FAM171B: variants seen among roughly 807,000 people sequenced by gnomAD.
FAM171B encodes protein FAM171B.
In FAM171B, 19 loss-of-function variants were observed where a neutral mutation model predicts 75.6. That is an observed-to-expected ratio of 0.25 (90% CI 0.18 to 0.37). FAM171B has a LOEUF of 0.37. Among genes scored for constraint, FAM171B ranks in the 10% least tolerant of loss-of-function variants. FAM171B has a pLI of 1.00. For synonymous variants in FAM171B, 367 were observed against 361.7 expected (o/e 1.01, Z -0.17); for missense variants, 848 against 982.4 (o/e 0.86, Z 1.83).
rs373419189 is a variant in FAM171B at position 186,697,249 on chromosome 2, A to G, written c.238+2838A>G. ...GACTACAGAAAACTGATTGATACCT[A>G]TACTTGGGCCTACTTATTGGGTTTT... On this transcript the variant is annotated intron_variant, in intron 1 of 7. Coordinates refer to ENST00000304698, the MANE Select transcript of FAM171B (RefSeq NM_177454.4). Among the ~76,000 whole-genome samples the G allele has an allele frequency of 3.3e-5, 5 of 152,212 alleles. No homozygotes were observed. In the East Asian group the frequency reaches 5.8e-4, roughly 18 times the overall value.
chr2:186,741,318 T>C (rs532170238), intron 2 of FAM171B, among the ~76,000 whole-genome samples: 3 of 152,174 alleles, frequency 2.0e-5, no homozygotes, highest in Non-Finnish European at 4.4e-5. Context: ...GGATGGTCTG[T>C]TTAAACTTAA....
intron 4 of FAM171B, among the ~76,000 whole-genome samples, chr2:186,748,698 C>G (rs1690407614): frequency 6.6e-6 from 1 of 152,210 alleles, no homozygotes; most frequent in Admixed American, 6.5e-5. Flanking sequence ...TTCCTTCCTG[C>G]TGAATTACGC....
intron 1 of FAM171B, among the ~76,000 whole-genome samples, chr2:186,718,271 A>G (rs996987674): frequency 3.3e-5 from 5 of 152,308 alleles, no homozygotes; most frequent in African/African-American, 4.8e-5. Flanking sequence ...CACACGGCTC[A>G]ACCTTCCTTA....
At chr2:186,748,121 G>A (rs370957206) in intron 4 of FAM171B, among the ~76,000 whole-genome samples, 1 of 151,884 alleles carries the variant, frequency 6.6e-6, no homozygotes, top group East Asian at 1.9e-4. Flanking sequence ...ATGGGGTTTC[G>A]CCATGTTGCC....
In FAM171B at chr2:186,765,503, T is replaced by C. The variant is rs1390688030; in HGVS notation, c.*2680T>C. 2 of 152,066 alleles carry C rather than the reference T, an allele frequency of 1.3e-5. No individual in the cohort carries two copies. Among genetic ancestry groups the C allele is most frequent in the Middle Eastern group, 3.2e-3 (1 of 316 alleles). 9.4% of individuals were successfully genotyped at this position (152,066 alleles called of 1,614,324 possible). ...CTATAGGGATTATGCCCTTTTATAA[T>C]ACATAATATACCACAGAGATTACAA... On this transcript the variant is annotated 3_prime_UTR_variant, in exon 8 of 8. Transcript: ENST00000304698.
At position 186,694,246 on chromosome 2, in the gene FAM171B, C is replaced by T. The variant is rs752218703; in HGVS notation, c.73C>T (p.Leu25=). 3 of 1,610,802 alleles carry T rather than the reference C, an allele frequency of 1.9e-6. No individual in the cohort carries two copies. The highest frequency in any genetic ancestry group is 2.7e-5 in the African/African-American group (2 of 74,920). Residue 25 remains leucine, a synonymous_variant, in exon 1 of 8, where the codon CTG becomes TTG. Coordinates refer to ENST00000304698, the MANE Select transcript of FAM171B (RefSeq NM_177454.4). The part of the protein sequence containing the change: ...GLAVVLLKAR[L]VPAAARAELS... Reference sequence around the variant, plus strand: ...GGCCGTGGTGCTGCTGAAAGCGCGGCTGGTCCCCGCGGCCGCCAGAGCGGA... The same window carrying T: ...GGCCGTGGTGCTGCTGAAAGCGCGGTTGGTCCCCGCGGCCGCCAGAGCGGA...
intron 1 of FAM171B, among the ~76,000 whole-genome samples, chr2:186,716,160 G>A (rs930168491): frequency 6.6e-6 from 1 of 152,118 alleles, no homozygotes; most frequent in African/African-American, 2.4e-5. Flanking sequence ...CTATAGGTGT[G>A]CACCACCACA....
rs1001995359 is a variant in FAM171B at position 186,762,345 on chromosome 2, C to T, written c.2003C>T (p.Pro668Leu). The T allele has an allele frequency of 1.9e-6, 3 of 1,613,700 alleles. No homozygotes were observed. Among genetic ancestry groups the T allele is most frequent in the African/African-American group, 1.3e-5 (1 of 74,976 alleles). Residue 668 changes from proline to leucine, a missense_variant, in exon 8 of 8, where the codon CCG becomes CTG. Coordinates refer to ENST00000304698, the MANE Select transcript of FAM171B (RefSeq NM_177454.4). The surrounding 1 kb of genome is among the most constrained non-coding windows in gnomAD (Gnocchi z 4.0). ...LLELSKGKPS[P>L]HPRAWFVSLD... ...GAGCTGTCCAAAGGAAAGCCCTCCC[C>T]GCATCCCAGAGCCTGGTTTGTGTCT...
At chr2:186,750,650 A>G (rs1690438325) in intron 4 of FAM171B, among the ~76,000 whole-genome samples, 1 of 152,170 alleles carries the variant, frequency 6.6e-6, no homozygotes, top group African/African-American at 2.4e-5. Context: ...TTTTTATGTA[A>G]GAAGTGCAAC....
intron 1 of FAM171B, among the ~76,000 whole-genome samples, chr2:186,739,686 C>A (rs974288812): frequency 1.3e-5 from 2 of 152,062 alleles, no homozygotes; most frequent in Non-Finnish European, 2.9e-5. Context: ...TTTTGGAATA[C>A]CTCCTGAAGG....
intron 3 of FAM171B, among the ~76,000 whole-genome samples, chr2:186,746,773 C>T (rs1403001028): frequency 6.6e-6 from 1 of 152,156 alleles, no homozygotes; most frequent in Non-Finnish European, 1.5e-5. Flanking sequence ...CTGGCATGCA[C>T]CATCAACTCC....
intron 1 of FAM171B, among the ~76,000 whole-genome samples, chr2:186,715,967 A>C (rs17406346): frequency 0.32 from 48,361 of 152,080 alleles, 8,484 homozygotes; most frequent in East Asian, 0.73. Flanking sequence ...AGATTAATCA[A>C]ATATTAGCTT....
intron 1 of FAM171B, among the ~76,000 whole-genome samples, chr2:186,738,034 A>C (rs1033297495): frequency 2.6e-5 from 4 of 152,194 alleles, no homozygotes; most frequent in African/African-American, 9.6e-5. Flanking sequence ...GGGTGCTGGC[A>C]TCTAGACTAG....
At chr2:186,728,104 G>A (rs765646751) in intron 1 of FAM171B, among the ~76,000 whole-genome samples, 1 of 152,036 alleles carries the variant, frequency 6.6e-6, no homozygotes, top group Non-Finnish European at 1.5e-5. Context: ...GAATTCATGG[G>A]CAGGCCCTCA....
chr2:186,726,178 A>G (rs1690030185), intron 1 of FAM171B, among the ~76,000 whole-genome samples: 1 of 151,860 alleles, frequency 6.6e-6, no homozygotes, highest in South Asian at 2.1e-4. Context: ...TCATGTCTTT[A>G]TTCTCTCTCA....
intron 6 of FAM171B, among the ~76,000 whole-genome samples, chr2:186,759,117 G>C (rs1690578091): frequency 1.3e-5 from 2 of 152,100 alleles, no homozygotes; most frequent in Admixed American, 1.3e-4. Flanking sequence ...TGTTGTTGCA[G>C]ATGACGGGAT....
At chr2:186,735,817 T>G (rs545832159) in intron 1 of FAM171B, among the ~76,000 whole-genome samples, 12 of 152,354 alleles carry the variant, frequency 7.9e-5, no homozygotes, top group African/African-American at 2.9e-4. Flanking sequence ...CAAAATACTA[T>G]TAATGGGCTG....
intron 1 of FAM171B, among the ~76,000 whole-genome samples, chr2:186,733,896 G>T (rs147009036): frequency 6.6e-6 from 1 of 152,274 alleles, no homozygotes; most frequent in Non-Finnish European, 1.5e-5. Flanking sequence ...GGCTCAGGGA[G>T]CTCCTAGGTC....
chr2:186,759,119 T>A (rs755117998), intron 6 of FAM171B, among the ~76,000 whole-genome samples: 1 of 152,188 alleles, frequency 6.6e-6, no homozygotes, highest in Admixed American at 6.6e-5. Flanking sequence ...TTGTTGCAGA[T>A]GACGGGATCA....
Sources: allele counts gnomAD v4.1 joint callset (sites outside exome capture counted in the v4.1 genomes callset), GRCh38; gene constraint gnomAD v4.1.1; non-coding constraint Gnocchi (gnomAD v3.1); transcripts MANE v1.5; gene names NCBI Gene and HGNC (gene_info 2026-07-23, HGNC 2026-07-21).